Variants in MYO1D observed in about 807,000 individuals in gnomAD.
MYO1D encodes myosin ID.
In MYO1D, 83 loss-of-function variants were observed where a neutral mutation model predicts 122.0. That is an observed-to-expected ratio of 0.68 (90% CI 0.57 to 0.82). The LOEUF is 0.82. MYO1D is among the 40% of genes least tolerant of loss of function. The pLI is 0.00. For synonymous variants in MYO1D, 464 were observed against 446.9 expected, an observed-to-expected ratio of 1.04 and a Z score of -0.48; for missense variants, 1,157 against 1,269.5, an observed-to-expected ratio of 0.91 and a Z score of 1.35.
intron 8 of MYO1D, among the ~76,000 whole-genome samples, chr17:32,761,374 G>A (rs1352233672): frequency 6.6e-6 from 1 of 152,112 alleles, no homozygotes; most frequent in African/African-American, 2.4e-5. Context: ...CCTCTACATA[G>A]ATACTTCTCG....
intron 11 of MYO1D, among the ~76,000 whole-genome samples, chr17:32,749,793 T>TA (rs575207469): frequency 1.9e-4 from 29 of 152,206 alleles, no homozygotes; most frequent in Non-Finnish European, 2.9e-4. Flanking sequence ...CCCTGACTGA[T>TA]AGAGTTTCTT....
intron 21 of MYO1D, among the ~76,000 whole-genome samples, chr17:32,539,345 C>T (rs553595351): frequency 1.3e-5 from 2 of 151,036 alleles, no homozygotes; most frequent in South Asian, 4.2e-4. Flanking sequence ...GTTATCTTTT[C>T]ATTTAAAACC....
rs567149586 is a variant in MYO1D, at chr17:32,834,031, C to T, written c.95+42747G>A. On this transcript the variant is annotated intron_variant, in intron 1 of 21. Coordinates refer to ENST00000318217, the MANE Select transcript of MYO1D (RefSeq NM_015194.3). ...CTGTCTCCCCCCACTAGAATTAAAA[C>T]TCCATGAAGGCTTGCATTTTTGTCT... 6.6e-5 allele frequency among the ~76,000 whole-genome samples: 10 copies of T among 152,312 alleles called. No individual in the cohort carries two copies. The South Asian group carries it at 2.1e-3, about 32-fold the overall frequency.
chr17:32,670,467 C>T (rs1255864055), intron 16 of MYO1D, among the ~76,000 whole-genome samples: 1 of 152,000 alleles, frequency 6.6e-6, no homozygotes, highest in Non-Finnish European at 1.5e-5. Flanking sequence ...AAAGAACAAG[C>T]ATTGATAGAG....
At chr17:32,551,789 C>A (rs183903940) in intron 21 of MYO1D, among the ~76,000 whole-genome samples, 1 of 152,148 alleles carries the variant, frequency 6.6e-6, no homozygotes, top group African/African-American at 2.4e-5. Flanking sequence ...ACAGGAACAC[C>A]GTCTATATCT....
At chr17:32,735,509 A>G (rs2089691824) in intron 14 of MYO1D, among the ~76,000 whole-genome samples, 1 of 152,104 alleles carries the variant, frequency 6.6e-6, no homozygotes, top group African/African-American at 2.4e-5. Context: ...AGGCATATGT[A>G]TTTCCTATTC....
chr17:32,643,150 C>G (rs1256493828), intron 19 of MYO1D, among the ~76,000 whole-genome samples: 1 of 152,166 alleles, frequency 6.6e-6, no homozygotes, highest in East Asian at 1.9e-4. Context: ...TGAATTTTGT[C>G]AAAGGCCTTT....
At chr17:32,676,971 C>T (rs370452703) in intron 16 of MYO1D, among the ~76,000 whole-genome samples, 3 of 151,972 alleles carry the variant, frequency 2.0e-5, no homozygotes, top group Admixed American at 6.6e-5. Context: ...CCACCATGCC[C>T]GGCTAATTTT....
chr17:32,549,516 C>T (rs761122824), intron 21 of MYO1D, among the ~76,000 whole-genome samples: 4 of 152,160 alleles, frequency 2.6e-5, no homozygotes, highest in Non-Finnish European at 5.9e-5. Flanking sequence ...TTCTAATTTA[C>T]GAAGCTCTGT....
chr17:32,779,373 C>T (rs2090212425), intron 2 of MYO1D, among the ~76,000 whole-genome samples: 1 of 151,514 alleles, frequency 6.6e-6, no homozygotes. Context: ...GAATACTATA[C>T]AATTATTAAA....
At chr17:32,814,780 A>G (rs1317420288) in intron 1 of MYO1D, among the ~76,000 whole-genome samples, 2 of 152,248 alleles carry the variant, frequency 1.3e-5, no homozygotes, top group East Asian at 3.8e-4. Context: ...GGCTTTACAC[A>G]AGAAGTTGAT....
chr17:32,674,211 C>A (rs944789610), intron 16 of MYO1D, among the ~76,000 whole-genome samples: 1 of 152,080 alleles, frequency 6.6e-6, no homozygotes, highest in African/African-American at 2.4e-5. Context: ...AAGCATTTCC[C>A]ACCAAGTACT....
rs543969718 is a variant in MYO1D, at chr17:32,546,765, C to T, written c.2865-51850G>A. On this transcript the variant is annotated intron_variant, in intron 21 of 21. Coordinates refer to ENST00000318217, the MANE Select transcript of MYO1D (RefSeq NM_015194.3). ...CAATTAGTTTACAGCCTATAAAATGCAAAGGTAGTACTGCAAATCAGTAAT... is the reference window on the plus strand; with the variant it reads ...CAATTAGTTTACAGCCTATAAAATGTAAAGGTAGTACTGCAAATCAGTAAT... Among the ~76,000 whole-genome samples the T allele has an allele frequency of 2.0e-5, 3 of 152,310 alleles. No homozygotes were observed. The East Asian group carries it at 5.8e-4, about 29-fold the overall frequency.
At chr17:32,632,433 C>T (rs968680925) in intron 20 of MYO1D, 2 of 152,180 alleles carry the variant, frequency 1.3e-5, no homozygotes, top group Non-Finnish European at 2.9e-5. Flanking sequence ...TGGATTCAGG[C>T]ATGGCCCAAA....
chr17:32,524,334 ACT>A (rs1013948691), intron 21 of MYO1D, among the ~76,000 whole-genome samples: 47 of 152,220 alleles, frequency 3.1e-4, no homozygotes, highest in African/African-American at 1.1e-3. Context: ...CAACTAAAAC[ACT>A]CTCTGCGCTA....
intron 1 of MYO1D, among the ~76,000 whole-genome samples, chr17:32,793,457 A>G (rs1170497678): frequency 1.3e-5 from 2 of 152,214 alleles, no homozygotes; most frequent in South Asian, 4.1e-4. Context: ...AACCAGCTTT[A>G]GGAGTGGGAG....
chr17:32,694,150 G>C (rs902802960), intron 16 of MYO1D, among the ~76,000 whole-genome samples: 4 of 152,086 alleles, frequency 2.6e-5, no homozygotes, highest in Admixed American at 1.3e-4. Context: ...GAAAATTAAC[G>C]CTTCTTAGTT....
chr17:32,840,205 A>G (rs975414076), intron 1 of MYO1D, among the ~76,000 whole-genome samples: 1 of 152,242 alleles, frequency 6.6e-6, no homozygotes, highest in African/African-American at 2.4e-5. Flanking sequence ...CCAGGGTGTT[A>G]CTGGCGCACA....
intron 21 of MYO1D, among the ~76,000 whole-genome samples, chr17:32,539,489 T>C (rs1383308958): frequency 2.0e-5 from 3 of 152,148 alleles, no homozygotes. Flanking sequence ...AAGTCTGAAA[T>C]CAAAGTGTGA....
Sources: allele counts gnomAD v4.1 joint callset (sites outside exome capture counted in the v4.1 genomes callset), GRCh38; gene constraint gnomAD v4.1.1; transcripts MANE v1.5; gene names NCBI Gene and HGNC (gene_info 2026-07-23, HGNC 2026-07-21).